The following QTMAN variants were observed in gnomAD, a reference collection of about 807,000 sequenced individuals.
QTMAN encodes tRNA-queuosine alpha-mannosyltransferase.
At chr2:144,073,755 T>G in the QTMAN span, among the ~76,000 whole-genome samples, 2 of 152,220 alleles carry the variant, frequency 1.3e-5, no homozygotes, top group African/African-American at 4.8e-5. Flanking sequence ...GCCAAACAAT[T>G]ATTTCCTTCG....
At chr2:144,002,978 C>T in the QTMAN span, among the ~76,000 whole-genome samples, 1 of 151,886 alleles carries the variant, frequency 6.6e-6, no homozygotes, top group Non-Finnish European at 1.5e-5. Flanking sequence ...TCTACTTAGA[C>T]ATTATAGATT....
the QTMAN span, among the ~76,000 whole-genome samples, chr2:144,020,533 T>G: frequency 6.6e-6 from 1 of 152,210 alleles, no homozygotes; most frequent in African/African-American, 2.4e-5. Flanking sequence ...AAGGCACCTA[T>G]AGACAGCAAA....
At chr2:144,148,562 G>A in the QTMAN span, among the ~76,000 whole-genome samples, 1 of 151,778 alleles carries the variant, frequency 6.6e-6, no homozygotes, top group East Asian at 1.9e-4. Context: ...CATCATATCT[G>A]TATTTCTAGC....
chr2:144,070,450 C>T, the QTMAN span, among the ~76,000 whole-genome samples: 12 of 152,080 alleles, frequency 7.9e-5, no homozygotes, highest in Admixed American at 5.9e-4. Flanking sequence ...CAAACTCTAT[C>T]TTCATTATAG....
the QTMAN span, among the ~76,000 whole-genome samples, chr2:144,200,873 A>G: frequency 1.3e-5 from 2 of 152,338 alleles, no homozygotes; most frequent in South Asian, 4.1e-4. Flanking sequence ...AGAAGAGATG[A>G]TATCTTTAGG....
At chr2:143,974,428 T>A in the QTMAN span, among the ~76,000 whole-genome samples, 17 of 152,336 alleles carry the variant, frequency 1.1e-4, no homozygotes, top group African/African-American at 4.1e-4. Context: ...GGCAACCATC[T>A]GTAAATGACC....
the QTMAN span, among the ~76,000 whole-genome samples, chr2:144,200,025 T>C: frequency 6.6e-6 from 1 of 152,186 alleles, no homozygotes; most frequent in African/African-American, 2.4e-5. Context: ...CTTTTATGTA[T>C]ATATACAATT....
chr2:144,182,861 AATATATATATATT>A, the QTMAN span, among the ~76,000 whole-genome samples: 2 of 66,762 alleles, frequency 3.0e-5, no homozygotes, highest in Admixed American at 2.3e-4. Flanking sequence ...TTTTATATAT[AATATATATATATT>A]ATATATATAT....
the QTMAN span, among the ~76,000 whole-genome samples, chr2:144,165,164 G>T: frequency 1.3e-5 from 2 of 152,048 alleles, no homozygotes; most frequent in Non-Finnish European, 2.9e-5. Flanking sequence ...GAGGTCAGGA[G>T]ATTGAGACCA....
the QTMAN span, among the ~76,000 whole-genome samples, chr2:144,252,337 T>A: frequency 6.6e-6 from 1 of 151,998 alleles, no homozygotes; most frequent in Non-Finnish European, 1.5e-5. Context: ...ATCATGACAC[T>A]GCACTCAGTC....
the QTMAN span, among the ~76,000 whole-genome samples, chr2:143,972,309 CAATAT>C: frequency 3.1e-3 from 470 of 152,150 alleles, 6 homozygotes; most frequent in African/African-American, 0.011. Context: ...AGATTGGAAA[CAATAT>C]AATATATCTT....
the QTMAN span, among the ~76,000 whole-genome samples, chr2:144,253,911 C>T: frequency 6.6e-6 from 1 of 152,214 alleles, no homozygotes; most frequent in Non-Finnish European, 1.5e-5. Context: ...CATCACAGGC[C>T]CAGAGGCCTA....
At chr2:144,000,116 C>T in the QTMAN span, among the ~76,000 whole-genome samples, 1 of 152,000 alleles carries the variant, frequency 6.6e-6, no homozygotes, top group African/African-American at 2.4e-5. Context: ...GAGGCTCTTT[C>T]TTTGGCCATG....
the QTMAN span, among the ~76,000 whole-genome samples, chr2:144,023,832 T>C: frequency 6.6e-6 from 1 of 152,208 alleles, no homozygotes; most frequent in Admixed American, 6.5e-5. Flanking sequence ...AATGGAGTTC[T>C]CATAGAAAAT....
At chr2:144,092,329 C>A in the QTMAN span, among the ~76,000 whole-genome samples, 8 of 152,154 alleles carry the variant, frequency 5.3e-5, no homozygotes, top group South Asian at 1.7e-3. Context: ...GCGCCCACCA[C>A]CGTGCCTGGC....
At chr2:144,277,517 C>CA in the QTMAN span, among the ~76,000 whole-genome samples, 2 of 151,934 alleles carry the variant, frequency 1.3e-5, no homozygotes, top group African/African-American at 4.8e-5. Flanking sequence ...TCCACATACC[C>CA]TAATGCAAAA....
At chr2:144,028,387 T>C in the QTMAN span, among the ~76,000 whole-genome samples, 1 of 152,238 alleles carries the variant, frequency 6.6e-6, no homozygotes, top group Non-Finnish European at 1.5e-5. Flanking sequence ...AGTCCAAATT[T>C]TATTTTCACA....
At chr2:143,980,216 G>A in the QTMAN span, among the ~76,000 whole-genome samples, 1 of 151,860 alleles carries the variant, frequency 6.6e-6, no homozygotes, top group Non-Finnish European at 1.5e-5. Context: ...GCCCCAGTGT[G>A]TGTTGTTTCC....
At chr2:144,015,701 TGAA>T in the QTMAN span, among the ~76,000 whole-genome samples, 8 of 152,206 alleles carry the variant, frequency 5.3e-5, no homozygotes, top group African/African-American at 9.7e-5. Context: ...AGTAAGCCTG[TGAA>T]GAAGATTATT....
Sources: gnomAD v4.1 joint callset for allele counts (sites outside exome capture counted in the v4.1 genomes callset) on GRCh38, gnomAD v4.1.1 for gene constraint, MANE v1.5 for transcripts, NCBI Gene and HGNC (gene_info 2026-07-23, HGNC 2026-07-21) for gene names.